The following FEM1C variants were observed in gnomAD, a reference collection of about 807,000 sequenced individuals.
FEM1C encodes the protein fem-1 homolog C.
FEM1C carries 15 observed loss-of-function variants against 37.6 expected under a neutral mutation model. That is an observed-to-expected ratio of 0.40 (90% confidence interval 0.27 to 0.61). The LOEUF (loss-of-function observed/expected upper bound fraction) is 0.61, where lower values mean the gene tolerates loss of function less well. Among genes scored for constraint, FEM1C ranks in the 20% least tolerant of loss-of-function variants. The probability of loss-of-function intolerance (pLI) is 0.42; values close to 1 mark genes in which losing one functional copy is unlikely to be tolerated. For missense variants in FEM1C, 532 were observed against 749.7 expected (o/e 0.71, Z 3.39); for synonymous variants, 287 against 272.8 (o/e 1.05, Z -0.51).
At chr5:115,534,540 A>G (rs1754081843) in intron 2 of FEM1C, among the ~76,000 whole-genome samples, 1 of 151,970 alleles carries the variant, frequency 6.6e-6, no homozygotes, top group Non-Finnish European at 1.5e-5. Context: ...TAACATATAA[A>G]TATCTCAATT....
rs1753768994 is a variant in FEM1C, at chr5:115,521,299, A to G, written c.*3009T>C. ...CAGCCTAAGGTTTCTGTTGGGCAATATGATTTTTAAAGAGCTACTTTTCCC... is the reference window on the plus strand; with the variant it reads ...CAGCCTAAGGTTTCTGTTGGGCAATGTGATTTTTAAAGAGCTACTTTTCCC... On this transcript the variant is annotated 3_prime_UTR_variant, in exon 3 of 3. Coordinates refer to ENST00000274457, the MANE Select transcript of FEM1C (RefSeq NM_020177.3). 2 of 151,722 alleles carry G rather than the reference A, an allele frequency of 1.3e-5. No homozygotes were observed. The highest frequency in any genetic ancestry group is 4.8e-5 in the African/African-American group (2 of 41,414). The allele number at this position is 151,722 out of a possible 1,614,324, so 9.4% of individuals were successfully genotyped here. A position where few individuals can be genotyped will look rare whatever the true frequency, so the allele number is the denominator to read the frequency against.
chr5:115,526,603 T>G (rs1753899777), intron 2 of FEM1C, among the ~76,000 whole-genome samples: 1 of 152,144 alleles, frequency 6.6e-6, no homozygotes, highest in Non-Finnish European at 1.5e-5. Flanking sequence ...ATTTTACTAA[T>G]CGTCAAAATA....
Position 115,524,320 on chromosome 5 carries a change from G to A in FEM1C, c.1842C>T (p.Ser614=), listed in dbSNP as rs374955283. ...TACAGTCAAGTTATCATCTATGAAG[G>A]GAAACAAAAGTCTCTAGCTTTTCTG... is the stretch of plus-strand genomic sequence containing the variant. The part of the protein sequence containing the change: ...HIPEKLETFV[S]LHR The change falls in exon 3 of 3, where the codon TCC becomes TCT. Residue 614 remains serine (S), a synonymous_variant. Coordinates refer to ENST00000274457, the MANE Select transcript of FEM1C (RefSeq NM_020177.3). 8.7e-6 allele frequency: 14 copies of A among 1,612,738 alleles called. 1 individual carries two copies. Among genetic ancestry groups the A allele is most frequent in the African/African-American group, 6.7e-5 (5 of 74,816 alleles).
At position 115,543,154 on chromosome 5, in the gene FEM1C, A is replaced by C. The variant is rs760845242; in HGVS notation, c.340T>G (p.Leu114Val). The C allele has an allele frequency of 1.2e-6, 2 of 1,614,212 alleles. No individual in the cohort carries two copies. Among genetic ancestry groups the C allele is most frequent in the Non-Finnish European group, 8.5e-7 (1 of 1,180,048 alleles). ...GCTCGAAGAGGAGTTGAATTGGTTA[A>C]AGTCGTGTTGTTGACAGATGCTCCA... Reference protein sequence around the residue: ...NHGASVNNTTLTNSTPLRAAC... With the variant: ...NHGASVNNTTVTNSTPLRAAC... Residue 114 changes from leucine (L) to valine (V), a missense_variant, in exon 2 of 3, where the codon TTA becomes GTA. Leu to Val is a conservative substitution (Grantham distance 32). This residue lies in a region of FEM1C where 221 missense variants were observed against 404.1 expected (regional missense o/e 0.55). Transcript: ENST00000274457.
intron 2 of FEM1C, among the ~76,000 whole-genome samples, chr5:115,526,692 T>C (rs537877766): frequency 6.6e-6 from 1 of 152,274 alleles, no homozygotes; most frequent in South Asian, 2.1e-4. Flanking sequence ...TAGGCATGTC[T>C]GTAGAAAAGA....
chr5:115,539,642 GA>G (rs1230941841), intron 2 of FEM1C, among the ~76,000 whole-genome samples: 4 of 152,206 alleles, frequency 2.6e-5, no homozygotes, highest in African/African-American at 9.6e-5. Context: ...TCTAATAGAA[GA>G]AAGTACTACT....
chr5:115,524,073 T>C lies in FEM1C; in HGVS notation c.*235A>G, dbSNP rs1007623961. The C allele has an allele frequency of 6.9e-6, 3 of 434,508 alleles. No homozygotes were observed. The highest frequency in any genetic ancestry group is 6.2e-5 in the African/African-American group (3 of 48,642). The allele number at this position is 434,508 out of a possible 1,614,324, so 26.9% of individuals were successfully genotyped here. On this transcript the variant is annotated 3_prime_UTR_variant, in exon 3 of 3. Transcript: ENST00000274457. ...TGAATAAGCCTTTGGCAGACAATTT[T>C]AGAAATTTGAATGTTACATTTCTCA...
Position 115,525,373 on chromosome 5 carries a change from A to C in FEM1C, c.789T>G (p.Leu263=). Residue 263 remains leucine (L), a synonymous_variant, in exon 3 of 3, where the codon CTT becomes CTG. Coordinates refer to ENST00000274457, the MANE Select transcript of FEM1C (RefSeq NM_020177.3). The part of the protein sequence containing the change: ...ATFVDKKRDL[L]GALKYWKKAM... ...CCTTTTTCCAGTATTTCAAAGCCCC[A>C]AGCAGATCTCTTTTTTTGTCTACAA... is the stretch of plus-strand genomic sequence containing the variant. The C allele has an allele frequency of 6.2e-7, 1 of 1,613,630 alleles. No homozygotes were observed.
chr5:115,542,974 C>T lies in FEM1C; in HGVS notation c.520G>A (p.Asp174Asn). ...CCTTTGACACTTTTTCTATTAACAT[C>T]TGCCCCCTTTTCAAGTAAATACTGA... ...IAQYLLEKGA[D>N]VNRKSVKGNT... Residue 174 changes from aspartate (D) to asparagine (N), a missense_variant, in exon 2 of 3, where the codon GAT (aspartate) becomes AAT (asparagine). Around this residue, in one of 3 missense-constraint regions of FEM1C, gnomAD observed 221 missense variants for 404.1 expected, o/e 0.55. Coordinates refer to ENST00000274457, the MANE Select transcript of FEM1C (RefSeq NM_020177.3). 1 of 1,613,560 alleles carries T rather than the reference C, an allele frequency of 6.2e-7. No homozygotes were observed. The highest frequency in any genetic ancestry group is 8.5e-7 in the Non-Finnish European group (1 of 1,179,528).
At chr5:115,542,236 C>T (rs967992699) in intron 2 of FEM1C, among the ~76,000 whole-genome samples, 1 of 152,140 alleles carries the variant, frequency 6.6e-6, no homozygotes, top group Non-Finnish European at 1.5e-5. Flanking sequence ...AACCGGAGCC[C>T]TTCTTCTGGA....
Position 115,543,687 on chromosome 5 carries a change from G to C in FEM1C, c.-190-4C>G, listed in dbSNP as rs765364944. 3 of 1,338,662 alleles carry C rather than the reference G, an allele frequency of 2.2e-6. No homozygotes were observed. The highest frequency in any genetic ancestry group is 9.5e-7 in the Non-Finnish European group (1 of 1,049,722). 82.9% of individuals were successfully genotyped at this position (1,338,662 alleles called of 1,614,324 possible). A position where few individuals can be genotyped will look rare whatever the true frequency, so the allele number is the denominator to read the frequency against. On this transcript the variant is annotated splice_region_variant and splice_polypyrimidine_tract_variant and intron_variant, in intron 1 of 2. Coordinates refer to ENST00000274457, the MANE Select transcript of FEM1C (RefSeq NM_020177.3). Reference sequence around the variant, plus strand: ...ATCTGACAACCAGGGCACCAAACTAGAGAAAGAAAAAAAAAGTAGCAGCAT... The same window carrying C: ...ATCTGACAACCAGGGCACCAAACTACAGAAAGAAAAAAAAAGTAGCAGCAT...
At chr5:115,533,535 T>C (rs937289926) in intron 2 of FEM1C, among the ~76,000 whole-genome samples, 4 of 152,042 alleles carry the variant, frequency 2.6e-5, no homozygotes, top group African/African-American at 9.7e-5. Context: ...TTTTCTTTTT[T>C]GCTAGTTAAC....
intron 2 of FEM1C, among the ~76,000 whole-genome samples, chr5:115,535,008 A>T (rs1359388312): frequency 6.6e-6 from 1 of 151,978 alleles, no homozygotes; most frequent in Non-Finnish European, 1.5e-5. Flanking sequence ...GCCCTGTTTT[A>T]CACCATATAG....
At chr5:115,537,444 G>A (rs1754152141) in intron 2 of FEM1C, among the ~76,000 whole-genome samples, 1 of 151,908 alleles carries the variant, frequency 6.6e-6, no homozygotes, top group African/African-American at 2.4e-5. Flanking sequence ...ATTCTGTGAG[G>A]ATTCACAGTT....
rs932897858 is a variant in FEM1C at position 115,520,960 on chromosome 5, A to AT, written c.*3347dup. ...CTTACAATGAATGTTGTGGCATATG[A>AT]TTTTCCATTGTGTGACAATTTATTA... On this transcript the variant is annotated 3_prime_UTR_variant, in exon 3 of 3. Coordinates refer to ENST00000274457, the MANE Select transcript of FEM1C (RefSeq NM_020177.3). The AT allele has an allele frequency of 6.6e-5, 10 of 151,828 alleles. No homozygotes were observed. Among genetic ancestry groups the AT allele is most frequent in the African/African-American group, 2.4e-4 (10 of 41,386 alleles). 9.4% of individuals were successfully genotyped at this position (151,828 alleles called of 1,614,324 possible).
rs912952195 is a variant in FEM1C, at chr5:115,523,933, A to C, written c.*375T>G. On this transcript the variant is annotated 3_prime_UTR_variant, in exon 3 of 3. Coordinates refer to ENST00000274457, the MANE Select transcript of FEM1C (RefSeq NM_020177.3). ...GGGGAAACTTGAGAAGAGAAGAAAG[A>C]AGCAAGAAAAAAAGACTTTCAATTG... The C allele has an allele frequency of 3.3e-5, 6 of 182,610 alleles. No individual in the cohort carries two copies. The highest frequency in any genetic ancestry group is 2.2e-4 in the Admixed American group (4 of 18,460). 11.3% of individuals were successfully genotyped at this position (182,610 alleles called of 1,614,324 possible).
At chr5:115,530,376 A>C (rs1426742078) in intron 2 of FEM1C, among the ~76,000 whole-genome samples, 1 of 152,164 alleles carries the variant, frequency 6.6e-6, no homozygotes, top group Non-Finnish European at 1.5e-5. Flanking sequence ...CTAATAACAT[A>C]GAATTAAGTT....
At chr5:115,544,230 A>T in intron 1 of FEM1C, 1 of 964,028 alleles carries the variant, frequency 1.0e-6, no homozygotes, top group Non-Finnish European at 1.2e-6. Context: ...CCTTTTAGTC[A>T]TTAACTTCGC....
At chr5:115,531,052 C>T (rs959714527) in intron 2 of FEM1C, among the ~76,000 whole-genome samples, 1 of 151,928 alleles carries the variant, frequency 6.6e-6, no homozygotes, top group South Asian at 2.1e-4. Flanking sequence ...ATATTAATAA[C>T]TTTGCAAGGT....
Sources: gnomAD v4.1 joint callset for allele counts (sites outside exome capture counted in the v4.1 genomes callset) on GRCh38, gnomAD v4.1.1 for gene constraint, gnomAD v4.1.1 regional missense constraint, MANE v1.5 for transcripts, NCBI Gene and HGNC (gene_info 2026-07-23, HGNC 2026-07-21) for gene names.